Variants in PROCA1 observed in about 807,000 individuals in gnomAD.
PROCA1 encodes protein PROCA1.
A neutral mutation model predicts 23.2 loss-of-function variants in PROCA1; 22 were observed. The ratio of observed to expected loss-of-function variants is 0.95; its 90% CI spans 0.68 to 1.35. The LOEUF is 1.35. Ranked by LOEUF, PROCA1 falls within the 40% of genes most tolerant of loss-of-function variation. PROCA1 has a pLI of 0.00. For missense variants in PROCA1, 469 were observed against 459.8 expected (o/e 1.02, Z -0.18); for synonymous variants, 182 against 179.2 (o/e 1.02, Z -0.12).
intron 1 of PROCA1, chr17:28,710,942 T>TG (rs2032749609): frequency 8.5e-7 from 1 of 1,177,326 alleles, no homozygotes. Flanking sequence ...CTCGAGGCAC[T>TG]GGGGGTGGGC....
chr17:28,703,884 T>G lies in PROCA1; in HGVS notation c.769A>C (p.Lys257Gln). 1 of 1,614,160 alleles carries G rather than the reference T, an allele frequency of 6.2e-7. No individual in the cohort carries two copies. Among genetic ancestry groups the G allele is most frequent in the Non-Finnish European group, 8.5e-7 (1 of 1,180,032 alleles). Residue 257 changes from lysine to glutamine, a missense_variant, in exon 5 of 5, where the codon AAA becomes CAA. Physicochemically the swap from Lys to Gln is moderately conservative, Grantham distance 53. Coordinates refer to ENST00000682792, the MANE Select transcript of PROCA1 (RefSeq NM_001366301.1). ...EEMDEKAKLK[K>Q]KAKKGQLTKK... ...GTCAACTGGCCTTTCTTGGCTTTTT[T>G]CTTCAGCTTTGCCTTCTCATCCATC...
intron 2 of PROCA1, 167 bp downstream of exon 2, chr17:28,706,513 G>C (rs1038072080): frequency 2.9e-6 from 1 of 347,790 alleles, no homozygotes; most frequent in Non-Finnish European, 5.7e-6. Context: ...TTGCGGCCTT[G>C]AGAAAGGGGT....
chr17:28,710,375 C>T lies in PROCA1; in HGVS notation c.91+1195G>A, dbSNP rs190152212. On this transcript the variant is annotated intron_variant, in intron 1 of 4. Coordinates refer to ENST00000682792, the MANE Select transcript of PROCA1 (RefSeq NM_001366301.1). ...TAAAAAAAATAGCTGGGCGTGGTGG[C>T]GCGCGCCTGTAATCCCAGCTACTCA... 8.0e-4 allele frequency among the ~76,000 whole-genome samples: 121 copies of T among 151,964 alleles called. 2 individuals carry two copies. In the East Asian group the frequency reaches 0.019, roughly 23 times the overall value.
At chr17:28,708,731 G>GGAAAAAAAAAAAA (rs2032639101) in intron 1 of PROCA1, among the ~76,000 whole-genome samples, 1 of 100,980 alleles carries the variant, frequency 9.9e-6, no homozygotes, top group African/African-American at 3.7e-5. Context: ...CCAGAAAAAG[G>GGAAAAAAAAAAAA]AAAAAAAAAA....
intron 2 of PROCA1, 157 bp from the exon 3 acceptor site, chr17:28,705,000 C>A: frequency 1.5e-6 from 1 of 654,602 alleles, no homozygotes; most frequent in Non-Finnish European, 2.6e-6. Context: ...CGCAGAGTAA[C>A]CCCATGTCCC....
At position 28,704,322 on chromosome 17, in the gene PROCA1, C is replaced by T. The variant is rs760221349; in HGVS notation, c.425G>A (p.Arg142Gln). ...GCTCACTCACCAGCCATACCGGAAT[C>T]GCTCCACATGCTCCTCCTCCGGTGT... is the stretch of plus-strand genomic sequence containing the variant. ...ELTPEEEHVE[R>Q]FRYGWCKSYR... is the part of the protein sequence containing the mutation. The change falls in exon 4 of 5, where the codon CGA (arginine) becomes CAA (glutamine). Residue 142 changes from arginine (R) to glutamine (Q), a missense_variant. Coordinates refer to ENST00000682792, the MANE Select transcript of PROCA1 (RefSeq NM_001366301.1). 34 of 1,613,350 alleles carry T rather than the reference C, an allele frequency of 2.1e-5. No individual in the cohort carries two copies. The Admixed American group carries it at 3.0e-4, about 14-fold the overall frequency.
In PROCA1 at chr17:28,704,789, T is replaced by C; in HGVS notation, c.230A>G (p.His77Arg). ...GTCAGAGGCGAAAGGGTAGATGATG[T>C]GCCCAGTGCACTGCTTGTGTCTCCA... is the stretch of plus-strand genomic sequence containing the variant. ...CCWRHKQCTG[H>R]IIYPFASDCV... is the part of the protein sequence containing the mutation. Residue 77 changes from histidine to arginine, a missense_variant, in exon 3 of 5, where the codon CAC becomes CGC. By Grantham distance (29) the His-to-Arg change is conservative. Coordinates refer to ENST00000682792, the MANE Select transcript of PROCA1 (RefSeq NM_001366301.1). 4 of 1,613,864 alleles carry C rather than the reference T, an allele frequency of 2.5e-6. No homozygotes were observed. The highest frequency in any genetic ancestry group is 3.4e-6 in the Non-Finnish European group (4 of 1,180,000).
chr17:28,711,452 C>G, intron 1 of PROCA1, 118 bp downstream of exon 1: 1 of 850,428 alleles, frequency 1.2e-6, no homozygotes, highest in Non-Finnish European at 1.8e-6. Context: ...CACTGGGCCC[C>G]GCCTCTCTCG....
intron 1 of PROCA1, chr17:28,707,076 G>A (rs1039581399): frequency 1.6e-5 from 5 of 317,400 alleles, no homozygotes; most frequent in Middle Eastern, 1.2e-3. Flanking sequence ...TGGGGACTAT[G>A]GAAGACTTCT....
intron 1 of PROCA1, 66 bp downstream of exon 1, chr17:28,711,504 G>A: frequency 7.3e-7 from 1 of 1,368,534 alleles, no homozygotes; most frequent in South Asian, 1.3e-5. Context: ...GGCTTCCCGC[G>A]TGCGCCGCTC....
chr17:28,708,620 T>C (rs1309260268), intron 1 of PROCA1, among the ~76,000 whole-genome samples: 3 of 150,316 alleles, frequency 2.0e-5, no homozygotes, highest in African/African-American at 7.3e-5. Flanking sequence ...GCACGGTGGC[T>C]CACGCCTGTA....
chr17:28,711,465 G>T, intron 1 of PROCA1, 105 bp downstream of exon 1: 1 of 943,074 alleles, frequency 1.1e-6, no homozygotes, highest in Non-Finnish European at 1.5e-6. Context: ...CTCTCTCGTT[G>T]GTTTGCCCGT....
At position 28,703,817 on chromosome 17, in the gene PROCA1, T is replaced by G. The variant is rs2032263250; in HGVS notation, c.836A>C (p.Asp279Ala). The change falls in exon 5 of 5, where the codon GAC (aspartate) becomes GCC (alanine). Residue 279 changes from aspartate to alanine, a missense_variant. Physicochemically the swap from Asp to Ala is moderately radical, Grantham distance 126. Transcript: ENST00000682792. ...SPVKLEPSPPDVSRSLSARQL... is the reference protein window; with the variant it reads ...SPVKLEPSPPAVSRSLSARQL... ...TCTTGCGCTTAATGATCGGCTCACGTCTGGCGGGGAAGGCTCCAATTTAAC... is the reference window on the plus strand; with the variant it reads ...TCTTGCGCTTAATGATCGGCTCACGGCTGGCGGGGAAGGCTCCAATTTAAC... 1 of 1,614,104 alleles carries G rather than the reference T, an allele frequency of 6.2e-7. No homozygotes were observed. The highest frequency in any genetic ancestry group is 8.5e-7 in the Non-Finnish European group (1 of 1,180,058).
intron 1 of PROCA1, 69 bp downstream of exon 1, chr17:28,711,501 C>T (rs1040779380): frequency 1.0e-5 from 14 of 1,353,786 alleles, no homozygotes; most frequent in South Asian, 3.9e-5. Flanking sequence ...GCCGGCTTCC[C>T]GCGTGCGCCG....
Position 28,705,196 on chromosome 17 carries a change from G to T in PROCA1, c.176-353C>A, listed in dbSNP as rs1180075176. 1.7e-5 allele frequency: 4 copies of T among 240,498 alleles called. No individual in the cohort carries two copies. The Admixed American group carries it at 2.1e-4, about 12-fold the overall frequency. The allele number at this position is 240,498 out of a possible 1,614,324, so 14.9% of individuals were successfully genotyped here. A position where few individuals can be genotyped will look rare whatever the true frequency, so the allele number is the denominator to read the frequency against. ...CTCCACAAGGCGCCTGGTAGGAGAA[G>T]GCCCTCCTGCTATGGCACCCCACAG... On this transcript the variant is annotated intron_variant, in intron 2 of 4. Coordinates refer to ENST00000682792, the MANE Select transcript of PROCA1 (RefSeq NM_001366301.1).
In PROCA1 at chr17:28,704,827, A is replaced by T. The variant is rs377428857; in HGVS notation, c.192T>A (p.Pro64=). 20 of 1,612,684 alleles carry T rather than the reference A, an allele frequency of 1.2e-5. No homozygotes were observed. In the African/African-American group the frequency reaches 2.4e-4, roughly 19 times the overall value. The part of the protein sequence containing the change: ...STFSEGDCKE[P]DKCCWRHKQC... ...GCTTGTGTCTCCAGCAGCACTTGTCAGGCTCCTTGCAGTCACCTGAGGGGG... is the reference window on the plus strand; with the variant it reads ...GCTTGTGTCTCCAGCAGCACTTGTCTGGCTCCTTGCAGTCACCTGAGGGGG... The change falls in exon 3 of 5, where the codon CCT becomes CCA. Residue 64 remains proline (P), a synonymous_variant. Transcript: ENST00000682792.
intron 1 of PROCA1, among the ~76,000 whole-genome samples, chr17:28,709,326 G>C (rs1451232426): frequency 6.6e-6 from 1 of 151,794 alleles, no homozygotes; most frequent in African/African-American, 2.4e-5. Flanking sequence ...CGGGATCTTG[G>C]CTCACTGCAA....
At chr17:28,705,027 C>T (rs1458088020) in intron 2 of PROCA1, 184 bp from the exon 3 acceptor site, 2 of 600,032 alleles carry the variant, frequency 3.3e-6, no homozygotes, top group Non-Finnish European at 5.9e-6. Flanking sequence ...GTGTCTGGTT[C>T]CATGTCTGAT....
At chr17:28,711,122 G>A (rs2032760641) in intron 1 of PROCA1, 1 of 1,182,538 alleles carries the variant, frequency 8.5e-7, no homozygotes, top group African/African-American at 1.6e-5. Context: ...AGGTAATTGT[G>A]ATGCCACGGG....
Sources: allele counts gnomAD v4.1 joint callset (sites outside exome capture counted in the v4.1 genomes callset), GRCh38; gene constraint gnomAD v4.1.1; transcripts MANE v1.5; gene names NCBI Gene and HGNC (gene_info 2026-07-23, HGNC 2026-07-21).